Variants in AGBL4 observed in about 807,000 individuals in gnomAD.
AGBL4 encodes the protein cytosolic carboxypeptidase 6.
Under a neutral mutation model 66.4 loss-of-function variants are expected in AGBL4, and 58 were observed. The observed-to-expected ratio is 0.87, with a 90% CI of 0.71 to 1.09. The LOEUF (loss-of-function observed/expected upper bound fraction) is 1.09. Ranked by LOEUF, AGBL4 falls within the 50% of genes least tolerant of loss-of-function variation. The pLI is 0.00. For synonymous variants in AGBL4, 234 were observed against 222.9 expected, an observed-to-expected ratio of 1.05 and a Z score of -0.44; for missense variants, 579 against 631.0, an observed-to-expected ratio of 0.92 and a Z score of 0.88.
chr1:49,157,891 T>A (rs761709513), intron 4 of AGBL4, among the ~76,000 whole-genome samples: 22 of 152,242 alleles, frequency 1.4e-4, no homozygotes, highest in Admixed American at 3.9e-4. Flanking sequence ...TTGAGAAGTG[T>A]CTGTTCATAT....
intron 4 of AGBL4, among the ~76,000 whole-genome samples, chr1:49,113,225 C>T (rs1444128091): frequency 6.6e-6 from 1 of 152,070 alleles, no homozygotes; most frequent in East Asian, 1.9e-4. Flanking sequence ...TCTGGGATTA[C>T]AGGCATGAGC....
chr1:48,552,695 G>A (rs1393024702), intron 11 of AGBL4, among the ~76,000 whole-genome samples: 2 of 152,160 alleles, frequency 1.3e-5, no homozygotes, highest in Admixed American at 1.3e-4. Flanking sequence ...AACACACCTG[G>A]GGGTGAGAAC....
intron 2 of AGBL4, among the ~76,000 whole-genome samples, chr1:49,765,772 C>A (rs1206206267): frequency 4.0e-5 from 6 of 151,734 alleles, no homozygotes; most frequent in African/African-American, 1.5e-4. Context: ...AATTGAAAAA[C>A]TCACTTCAAG....
At chr1:49,680,325 A>T in intron 3 of AGBL4, among the ~76,000 whole-genome samples, 1 of 146,654 alleles carries the variant, frequency 6.8e-6, no homozygotes, top group East Asian at 2.0e-4. Flanking sequence ...CTGGGATTAC[A>T]GGTGTGAGCC....
At chr1:49,514,572 T>C (rs920094275) in intron 3 of AGBL4, among the ~76,000 whole-genome samples, 1 of 151,552 alleles carries the variant, frequency 6.6e-6, no homozygotes, top group African/African-American at 2.4e-5. Context: ...AGAGCCTGCA[T>C]CACCAAGTCA....
chr1:49,308,511 T>C (rs986046195), intron 3 of AGBL4, among the ~76,000 whole-genome samples: 10 of 151,902 alleles, frequency 6.6e-5, no homozygotes, highest in African/African-American at 2.2e-4. Context: ...AGCTGGTAAA[T>C]TGAGGTCCAG....
chr1:49,230,107 C>G (rs1405058853), intron 4 of AGBL4, among the ~76,000 whole-genome samples: 2 of 152,126 alleles, frequency 1.3e-5, no homozygotes, highest in Non-Finnish European at 2.9e-5. Flanking sequence ...CTGAAGCTAC[C>G]CATGTAGCTG....
At chr1:48,627,637 T>A (rs74079432) in intron 9 of AGBL4, among the ~76,000 whole-genome samples, 1 of 151,686 alleles carries the variant, frequency 6.6e-6, no homozygotes, top group African/African-American at 2.4e-5. Flanking sequence ...AAAACTGCTC[T>A]GCGTTGTTAT....
chr1:48,641,760 G>A (rs1645758438), intron 8 of AGBL4, among the ~76,000 whole-genome samples: 1 of 152,254 alleles, frequency 6.6e-6, no homozygotes, highest in East Asian at 1.9e-4. Context: ...ACAAGTGACA[G>A]AGGCAGAGCT....
At chr1:49,344,467 A>T (rs1338570461) in intron 3 of AGBL4, among the ~76,000 whole-genome samples, 1 of 152,212 alleles carries the variant, frequency 6.6e-6, no homozygotes, top group East Asian at 1.9e-4. Flanking sequence ...GTGAGATAGG[A>T]TAAAGCTAAA....
chr1:49,873,374 G>A (rs1646886360), intron 1 of AGBL4, among the ~76,000 whole-genome samples: 1 of 151,626 alleles, frequency 6.6e-6, no homozygotes. Flanking sequence ...GCTTTCTCTG[G>A]GAGATTTTAA....
chr1:48,629,385 C>T (rs944307163), intron 9 of AGBL4, among the ~76,000 whole-genome samples: 7 of 152,146 alleles, frequency 4.6e-5, no homozygotes, highest in Non-Finnish European at 8.8e-5. Flanking sequence ...AAGGTAATAT[C>T]ATTTCTGGTG....
chr1:49,149,440 G>A (rs1646283313), intron 4 of AGBL4, among the ~76,000 whole-genome samples: 1 of 152,116 alleles, frequency 6.6e-6, no homozygotes, highest in Non-Finnish European at 1.5e-5. Context: ...GCTGATGGTG[G>A]TATGTGAAAG....
intron 3 of AGBL4, among the ~76,000 whole-genome samples, chr1:49,673,294 GGA>G (rs1485838305): frequency 6.6e-6 from 1 of 152,130 alleles, no homozygotes; most frequent in Non-Finnish European, 1.5e-5. Context: ...CACAAACATG[GGA>G]GTGCAGACAT....
chr1:49,449,516 A>G (rs527637696), intron 3 of AGBL4, among the ~76,000 whole-genome samples: 150 of 150,526 alleles, frequency 1.0e-3, no homozygotes, highest in African/African-American at 3.5e-3. Context: ...GGAGGCAGGA[A>G]GGGCCCATAC....
At chr1:49,036,372 T>C (rs1664650788) in intron 5 of AGBL4, among the ~76,000 whole-genome samples, 1 of 152,056 alleles carries the variant, frequency 6.6e-6, no homozygotes, top group Non-Finnish European at 1.5e-5. Flanking sequence ...AGTTTTATAT[T>C]CAGTGCTAGC....
chr1:49,919,044 T>C (rs916454808), intron 1 of AGBL4, among the ~76,000 whole-genome samples: 1 of 152,168 alleles, frequency 6.6e-6, no homozygotes, highest in African/African-American at 2.4e-5. Context: ...CCCTTCATGC[T>C]AAAAAACTCT....
chr1:49,284,038 G>A (rs1383051203), intron 3 of AGBL4, among the ~76,000 whole-genome samples: 28 of 149,350 alleles, frequency 1.9e-4, no homozygotes, highest in Admixed American at 3.3e-4. Flanking sequence ...GATACTCCTC[G>A]AGAAGAGCAA....
chr1:49,239,644 T>C (rs1226844491), intron 4 of AGBL4, among the ~76,000 whole-genome samples: 4 of 151,984 alleles, frequency 2.6e-5, no homozygotes, highest in Non-Finnish European at 4.4e-5. Context: ...AGAAAAAAAC[T>C]AAAAAGGAAA....
Sources: allele counts gnomAD v4.1 joint callset (sites outside exome capture counted in the v4.1 genomes callset), GRCh38; gene constraint gnomAD v4.1.1; transcripts MANE v1.5; gene names NCBI Gene and HGNC (gene_info 2026-07-23, HGNC 2026-07-21).